The following DNAH11 variants were observed in gnomAD, a reference collection of about 807,000 sequenced individuals.
DNAH11 encodes the protein dynein axonemal heavy chain 11, also known as axonemal beta dynein heavy chain 11.
Under a neutral mutation model 526.0 loss-of-function variants are expected in DNAH11, and 442 were observed. The ratio of observed to expected loss-of-function variants is 0.84; its 90% CI spans 0.78 to 0.91. The LOEUF is 0.91. Ranked by LOEUF, DNAH11 falls within the 40% of genes least tolerant of loss-of-function variation. The pLI, the probability that DNAH11 is intolerant of heterozygous loss-of-function variation, is 0.00. For synonymous variants in DNAH11, 2,461 were observed against 1,935.9 expected (o/e 1.27, Z -7.12); for missense variants, 6,989 against 5,448.7 (o/e 1.28, Z -8.90).
chr7:21,759,044 T>C (rs542534874), intron 54 of DNAH11, among the ~76,000 whole-genome samples: 15 of 152,306 alleles, frequency 9.8e-5, no homozygotes, highest in African/African-American at 2.9e-4. Flanking sequence ...ACAAAACTTA[T>C]ACGTTGTTAT....
intron 9 of DNAH11, among the ~76,000 whole-genome samples, chr7:21,582,388 G>A (rs1313709670): frequency 1.3e-5 from 2 of 152,070 alleles, no homozygotes; most frequent in Non-Finnish European, 2.9e-5. Flanking sequence ...AGATTGTTAG[G>A]TTCATCTGCC....
rs763446237 is a variant in DNAH11, at chr7:21,866,463, A to G, written c.11497-7A>G. 9 of 1,607,086 alleles carry G rather than the reference A, an allele frequency of 5.6e-6. No individual in the cohort carries two copies. Among genetic ancestry groups the G allele is most frequent in the East Asian group, 4.5e-5 (2 of 44,858 alleles). Reference sequence around the variant, plus strand: ...CCATTCCTACTTGTTTCCCTATCATATTACAGGCAATTGCCGTCATGGAAG... The same window carrying G: ...CCATTCCTACTTGTTTCCCTATCATGTTACAGGCAATTGCCGTCATGGAAG... On this transcript the variant is annotated splice_polypyrimidine_tract_variant and splice_region_variant and intron_variant, in intron 70 of 81. Transcript: ENST00000409508.
At chr7:21,575,586 T>A (rs553908980) in intron 8 of DNAH11, among the ~76,000 whole-genome samples, 1 of 152,342 alleles carries the variant, frequency 6.6e-6, no homozygotes, top group East Asian at 1.9e-4. Context: ...TATTCAAGAT[T>A]AAATGAGTTA....
At chr7:21,865,406 A>G (rs976861604) in intron 70 of DNAH11, among the ~76,000 whole-genome samples, 1 of 152,234 alleles carries the variant, frequency 6.6e-6, no homozygotes, top group Non-Finnish European at 1.5e-5. Context: ...GGGTCTTAAC[A>G]GGAAACAGAT....
intron 81 of DNAH11, among the ~76,000 whole-genome samples, chr7:21,900,481 TACTACAAG>T (rs1307608473): frequency 9.6e-6 from 1 of 103,792 alleles, no homozygotes; most frequent in African/African-American, 2.9e-5. Flanking sequence ...TCTAATGTTT[TACTACAAG>T]ACTTCTCCAA....
intron 76 of DNAH11, among the ~76,000 whole-genome samples, chr7:21,891,510 C>G (rs1421894876): frequency 6.6e-6 from 1 of 152,154 alleles, no homozygotes; most frequent in Non-Finnish European, 1.5e-5. Flanking sequence ...TTGATTGACT[C>G]TGTGTTTATG....
intron 17 of DNAH11, 30 bp downstream of exon 17, chr7:21,601,209 T>C (rs751335928): frequency 1.2e-5 from 19 of 1,573,326 alleles, no homozygotes; most frequent in East Asian, 2.2e-5. Context: ...TTTGGAATTA[T>C]AACTTTCTAA....
At chr7:21,682,830 A>G (rs1783200848) in intron 31 of DNAH11, among the ~76,000 whole-genome samples, 2 of 152,208 alleles carry the variant, frequency 1.3e-5, no homozygotes, top group African/African-American at 4.8e-5. Context: ...TGCTTTTCAT[A>G]TGAACCATAA....
chr7:21,769,371 T>C (rs1429780644), intron 55 of DNAH11, among the ~76,000 whole-genome samples: 2 of 151,448 alleles, frequency 1.3e-5, no homozygotes, highest in African/African-American at 4.9e-5. Context: ...TTTGTAGTTT[T>C]GTGGCTTTTC....
chr7:21,901,419 C>G lies in DNAH11; in HGVS notation c.*165C>G. On this transcript the variant is annotated 3_prime_UTR_variant, in exon 82 of 82. Coordinates refer to ENST00000409508, the MANE Select transcript of DNAH11 (RefSeq NM_001277115.2). ...GAAAGTCAGAAAAAAATACTAGAAA[C>G]TAACTCAGGGCTGAGCGTGGTGGCA... 9.8e-7 allele frequency: 1 copy of G among 1,021,248 alleles called. No individual in the cohort carries two copies. Among genetic ancestry groups the G allele is most frequent in the Non-Finnish European group, 1.3e-6 (1 of 762,654 alleles). The allele number at this position is 1,021,248 out of a possible 1,614,324, so 63.3% of individuals were successfully genotyped here. A position where few individuals can be genotyped will look rare whatever the true frequency, so the allele number is the denominator to read the frequency against.
intron 57 of DNAH11, 65 bp from the exon 58 acceptor site, chr7:21,784,362 T>C (rs1788081691): frequency 7.9e-7 from 1 of 1,260,808 alleles, no homozygotes; most frequent in African/African-American, 1.5e-5. Flanking sequence ...TCAACCTCCA[T>C]TTTTCTTTAG....
chr7:21,732,968 C>G (rs542458428), intron 45 of DNAH11, among the ~76,000 whole-genome samples: 40 of 152,286 alleles, frequency 2.6e-4, no homozygotes, highest in African/African-American at 9.1e-4. Context: ...GGCAGTGGGG[C>G]TGCCATGATG....
In DNAH11 at chr7:21,720,802, C is replaced by A. The variant is rs777174573; in HGVS notation, c.7212C>A (p.Val2404=). 1 of 1,611,942 alleles carries A rather than the reference C, an allele frequency of 6.2e-7. No homozygotes were observed. Among genetic ancestry groups the A allele is most frequent in the Admixed American group, 1.7e-5 (1 of 59,748 alleles). The change falls in exon 44 of 82, where the codon GTC becomes GTA. Residue 2404 remains valine, a synonymous_variant. Coordinates refer to ENST00000409508, the MANE Select transcript of DNAH11 (RefSeq NM_001277115.2). ...ACAGCCCAAAAGAAGTTTATGAAGTCTATTTTGTATTTGCTTGTATCTGGG... is the reference window on the plus strand; with the variant it reads ...ACAGCCCAAAAGAAGTTTATGAAGTATATTTTGTATTTGCTTGTATCTGGG... The part of the protein sequence containing the change: ...PSDSPKEVYE[V]YFVFACIWAF...
chr7:21,582,014 C>A lies in DNAH11; in HGVS notation c.1703C>A (p.Ala568Glu). The A allele has an allele frequency of 6.9e-6, 11 of 1,603,014 alleles. No individual in the cohort carries two copies. The highest frequency in any genetic ancestry group is 9.4e-6 in the Non-Finnish European group (11 of 1,170,472). Residue 568 changes from alanine to glutamate, a missense_variant, in exon 9 of 82, where the codon GCA becomes GAA. Transcript: ENST00000409508. ...AFFNCNGLEA[A>E]FKLLTIFGNF... is the part of the protein sequence containing the mutation. The stretch of plus-strand genomic sequence containing the variant: ...TTTAACTGCAATGGCTTAGAAGCTG[C>A]ATTTAAGGTTAGTTCTGAAGAAGCT...
At chr7:21,629,915 G>T (rs537958702) in intron 25 of DNAH11, among the ~76,000 whole-genome samples, 2 of 152,082 alleles carry the variant, frequency 1.3e-5, no homozygotes, top group East Asian at 3.9e-4. Context: ...GTCCATTTAT[G>T]GTGAGTGTTG....
chr7:21,649,961 A>C (rs1437889245), intron 28 of DNAH11, among the ~76,000 whole-genome samples: 1 of 152,062 alleles, frequency 6.6e-6, no homozygotes, highest in Non-Finnish European at 1.5e-5. Flanking sequence ...CCCCATGCCC[A>C]GCGACTATTC....
chr7:21,853,451 G>C (rs1023803251), intron 67 of DNAH11, among the ~76,000 whole-genome samples: 4 of 151,918 alleles, frequency 2.6e-5, no homozygotes, highest in Admixed American at 6.5e-5. Flanking sequence ...GGTAAAGTTA[G>C]AACAATTAAG....
intron 35 of DNAH11, among the ~76,000 whole-genome samples, chr7:21,693,263 A>G (rs1352080053): frequency 1.3e-5 from 2 of 152,192 alleles, no homozygotes; most frequent in South Asian, 2.1e-4. Flanking sequence ...GTGCTGAACT[A>G]TATTGATTGA....
intron 62 of DNAH11, among the ~76,000 whole-genome samples, chr7:21,805,846 T>C (rs1376390760): frequency 6.6e-6 from 1 of 152,228 alleles, no homozygotes; most frequent in African/African-American, 2.4e-5. Context: ...TCTTTCAGGA[T>C]AAATTCTTTC....
Sources: gnomAD v4.1 joint callset for allele counts (sites outside exome capture counted in the v4.1 genomes callset) on GRCh38, gnomAD v4.1.1 for gene constraint, MANE v1.5 for transcripts, NCBI Gene and HGNC (gene_info 2026-07-23, HGNC 2026-07-21) for gene names.